Variants in FBLN5 observed in about 807,000 individuals in gnomAD.
FBLN5 encodes the protein fibulin 5, also known as fibulin-5.
In FBLN5, 24 loss-of-function variants were observed where a neutral mutation model predicts 61.6. The observed-to-expected ratio is 0.39, with a 90% CI of 0.28 to 0.55. The LOEUF (loss-of-function observed/expected upper bound fraction) is 0.55. FBLN5 is among the 20% of genes least tolerant of loss of function. The pLI is 0.65. For synonymous variants in FBLN5, 213 were observed against 219.8 expected, an observed-to-expected ratio of 0.97 and a Z score of 0.27; for missense variants, 470 against 594.1, an observed-to-expected ratio of 0.79 and a Z score of 2.17.
intron 7 of FBLN5, among the ~76,000 whole-genome samples, chr14:91,885,145 CT>C (rs1434082225): frequency 2.6e-5 from 4 of 152,204 alleles, no homozygotes; most frequent in Non-Finnish European, 4.4e-5. Flanking sequence ...CAGAAACAGA[CT>C]CTCTCCATCA....
chr14:91,938,359 G>C, intron 3 of FBLN5: 1 of 167,316 alleles, frequency 6.0e-6, no homozygotes, highest in Non-Finnish European at 1.3e-5. Flanking sequence ...GGAGGCTGAG[G>C]CAGAAGAATC....
intron 4 of FBLN5, among the ~76,000 whole-genome samples, chr14:91,931,025 G>A (rs2055913323): frequency 6.6e-6 from 1 of 152,138 alleles, no homozygotes; most frequent in African/African-American, 2.4e-5. Flanking sequence ...GTTTACTATG[G>A]GATACTCTGC....
intron 7 of FBLN5, among the ~76,000 whole-genome samples, chr14:91,884,868 T>C (rs964331264): frequency 1.3e-5 from 2 of 152,250 alleles, no homozygotes; most frequent in Non-Finnish European, 2.9e-5. Context: ...TCCCAGACTT[T>C]GCTTAGGGCT....
At chr14:91,894,837 C>CCAGCAAAAAAAAACT in intron 5 of FBLN5, 113 bp downstream of exon 5, 2 of 651,960 alleles carry the variant, frequency 3.1e-6, no homozygotes, top group Non-Finnish European at 2.6e-6. Context: ...CCCGCCCTCC[C>CCAGCAAAAAAAAACT]TAGCAAAGAA....
At chr14:91,919,594 G>A (rs1297661544) in intron 4 of FBLN5, among the ~76,000 whole-genome samples, 2 of 152,112 alleles carry the variant, frequency 1.3e-5, no homozygotes, top group African/African-American at 2.4e-5. Context: ...TCTTCAAAGA[G>A]GTAATTCAGT....
chr14:91,883,091 C>A lies in FBLN5; in HGVS notation c.740-15G>T. 1 of 1,613,330 alleles carries A rather than the reference C, an allele frequency of 6.2e-7. No individual in the cohort carries two copies. Among genetic ancestry groups the A allele is most frequent in the South Asian group, 1.1e-5 (1 of 90,972 alleles). ...CTCGTCCATATCTGGGGTGACAAGT[C>A]ACACCTGCTGTTTGTAATCCCAGTC... On this transcript the variant is annotated splice_polypyrimidine_tract_variant and intron_variant, in intron 7 of 10. Coordinates refer to ENST00000342058, the MANE Select transcript of FBLN5 (RefSeq NM_006329.4).
chr14:91,897,623 G>A lies in FBLN5; in HGVS notation c.380-2551C>T, dbSNP rs183682282. Among the ~76,000 whole-genome samples, 4 of 152,344 alleles carry A rather than the reference G, an allele frequency of 2.6e-5. No individual in the cohort carries two copies. In the East Asian group the frequency reaches 7.7e-4, roughly 29 times the overall value. On this transcript the variant is annotated intron_variant, in intron 4 of 10. Coordinates refer to ENST00000342058, the MANE Select transcript of FBLN5 (RefSeq NM_006329.4). ...TCCTACAGAGAGAAACCAGACGCAT[G>A]CCAGCAGGCCAGGCTGGACTCAGAA...
chr14:91,894,037 G>A (rs934652996), intron 5 of FBLN5, among the ~76,000 whole-genome samples: 3 of 152,132 alleles, frequency 2.0e-5, no homozygotes, highest in African/African-American at 4.8e-5. Context: ...TATAAACTTC[G>A]TGAAGACAGG....
intron 4 of FBLN5, among the ~76,000 whole-genome samples, chr14:91,898,681 CAG>C (rs1890324922): frequency 6.6e-6 from 1 of 152,040 alleles, no homozygotes. Flanking sequence ...CATGGGCAAA[CAG>C]GGTCTGCTTT....
At chr14:91,883,511 G>T (rs1232054121) in intron 7 of FBLN5, among the ~76,000 whole-genome samples, 1 of 151,770 alleles carries the variant, frequency 6.6e-6, no homozygotes, top group Non-Finnish European at 1.5e-5. Flanking sequence ...CCCTCTGAAG[G>T]GGCAACTTTC....
Position 91,882,921 on chromosome 14 carries a change from ACACCCCAG to A in FBLN5, c.862+25_862+32del. 6.2e-7 allele frequency: 1 copy of A among 1,611,416 alleles called. No individual in the cohort carries two copies. The highest frequency in any genetic ancestry group is 8.5e-7 in the Non-Finnish European group (1 of 1,178,504). ...CCTGAAGCAGCTCCACCTCACACAT[ACACCCCAG>A]CCAGGCCCCTCCGGACAGCCTTACC... On this transcript the variant is annotated intron_variant, in intron 8 of 10. Transcript: ENST00000342058. This position sits in a 1 kb window ranked among gnomAD's most constrained non-coding sequence, Gnocchi z 4.9.
chr14:91,880,766 C>T lies in FBLN5; in HGVS notation c.989+526G>A, dbSNP rs543933597. ...GGGTTTCACCATGTTGGCCAGGCTG[C>T]TCTCAAACTCTTGAGCTCAGGCAAT... is the stretch of plus-strand genomic sequence containing the variant. On this transcript the variant is annotated intron_variant, in intron 9 of 10. Transcript: ENST00000342058. 2.6e-5 allele frequency among the ~76,000 whole-genome samples: 4 copies of T among 152,120 alleles called. No homozygotes were observed. The South Asian group carries it at 8.3e-4, about 32-fold the overall frequency.
chr14:91,907,802 T>C (rs1417423927), intron 4 of FBLN5, among the ~76,000 whole-genome samples: 1 of 152,174 alleles, frequency 6.6e-6, no homozygotes, highest in Middle Eastern at 3.2e-3. Context: ...TGGGAACTGG[T>C]ACTGGTTCTC....
At chr14:91,915,382 C>T (rs997813827) in intron 4 of FBLN5, among the ~76,000 whole-genome samples, 1 of 152,014 alleles carries the variant, frequency 6.6e-6, no homozygotes, top group Non-Finnish European at 1.5e-5. Flanking sequence ...AGTCCCCTAA[C>T]TTTAAGAAAT....
At chr14:91,871,720 G>T (rs1469657550) in intron 10 of FBLN5, among the ~76,000 whole-genome samples, 1 of 152,140 alleles carries the variant, frequency 6.6e-6, no homozygotes, top group African/African-American at 2.4e-5. Flanking sequence ...AGCAGGGCAT[G>T]TTGGCAGGTG....
chr14:91,877,292 C>T (rs1283254477), intron 10 of FBLN5, among the ~76,000 whole-genome samples, 195 bp downstream of exon 10: 3 of 152,104 alleles, frequency 2.0e-5, no homozygotes, highest in Non-Finnish European at 2.9e-5. Context: ...TCCTGAGGCT[C>T]AGGAGGAGAA....
chr14:91,946,429 A>G (rs2056185196), intron 1 of FBLN5, among the ~76,000 whole-genome samples: 1 of 152,144 alleles, frequency 6.6e-6, no homozygotes, highest in Non-Finnish European at 1.5e-5. Context: ...ACACAAGGAA[A>G]GCCGGAGAGA....
In FBLN5 at chr14:91,887,091, T is replaced by C. The variant is rs753568162; in HGVS notation, c.739+102A>G. On this transcript the variant is annotated intron_variant, in intron 7 of 10. Coordinates refer to ENST00000342058, the MANE Select transcript of FBLN5 (RefSeq NM_006329.4). ...GAGGATGTCCCAAACTGGACATGTGTCCAGGAAATGAGAGGAAACACCTAT... is the reference window on the plus strand; with the variant it reads ...GAGGATGTCCCAAACTGGACATGTGCCCAGGAAATGAGAGGAAACACCTAT... The C allele has an allele frequency of 4.5e-5, 60 of 1,322,030 alleles. 1 individual carries two copies. Among genetic ancestry groups the C allele is most frequent in the Non-Finnish European group, 6.5e-5 (60 of 921,702 alleles). 81.9% of individuals were successfully genotyped at this position (1,322,030 alleles called of 1,614,324 possible). A position where few individuals can be genotyped will look rare whatever the true frequency, so the allele number is the denominator to read the frequency against.
intron 4 of FBLN5, among the ~76,000 whole-genome samples, chr14:91,899,294 G>T (rs1890360812): frequency 6.6e-6 from 1 of 152,190 alleles, no homozygotes; most frequent in Non-Finnish European, 1.5e-5. Context: ...TGTCACACCA[G>T]TCGGGTGCCT....
Sources: gnomAD v4.1 joint callset for allele counts (sites outside exome capture counted in the v4.1 genomes callset) on GRCh38, gnomAD v4.1.1 for gene constraint, Gnocchi (gnomAD v3.1) non-coding constraint, MANE v1.5 for transcripts, NCBI Gene and HGNC (gene_info 2026-07-23, HGNC 2026-07-21) for gene names.